The following COL22A1 variants were observed in gnomAD, a reference collection of about 807,000 sequenced individuals.
COL22A1 encodes the protein collagen type XXII alpha 1 chain.
COL22A1 carries 221 observed loss-of-function variants against 248.9 expected under a neutral mutation model. The observed-to-expected ratio is 0.89, with a 90% CI of 0.80 to 0.99. COL22A1 has a LOEUF of 0.99. Ranked by LOEUF, COL22A1 falls within the 50% of genes least tolerant of loss-of-function variation. COL22A1 has a pLI of 0.00. For synonymous variants in COL22A1, 891 were observed against 793.4 expected (o/e 1.12, Z -2.07); for missense variants, 2,240 against 2,179.0 (o/e 1.03, Z -0.56).
Position 138,877,804 on chromosome 8 carries a change from C to G in COL22A1, c.604G>C (p.Asp202His). ...CGGATCTTGTCGATGGCATTGAAGT[C>G]GGACACGTGGAAGACGTGGGCGGAC... ...PKSAHVFHVS[D>H]FNAIDKIRGK... Residue 202 changes from aspartate to histidine, a missense_variant, in exon 3 of 65, where the codon GAC (aspartate) becomes CAC (histidine). Coordinates refer to ENST00000303045, the MANE Select transcript of COL22A1 (RefSeq NM_152888.3). 6.2e-7 allele frequency: 1 copy of G among 1,610,354 alleles called. No homozygotes were observed. The highest frequency in any genetic ancestry group is 8.5e-7 in the Non-Finnish European group (1 of 1,178,184).
At chr8:138,896,077 A>C (rs546264874) in intron 1 of COL22A1, among the ~76,000 whole-genome samples, 1 of 152,212 alleles carries the variant, frequency 6.6e-6, no homozygotes, top group Non-Finnish European at 1.5e-5. Flanking sequence ...GGAAGCAAAG[A>C]TAATCTCATA....
intron 35 of COL22A1, among the ~76,000 whole-genome samples, chr8:138,692,658 G>A (rs1827188026): frequency 6.6e-6 from 1 of 152,020 alleles, no homozygotes; most frequent in Non-Finnish European, 1.5e-5. Context: ...CACGGCCTTG[G>A]AGGCTGCCCA....
At chr8:138,652,328 T>G (rs1822809666) in intron 45 of COL22A1, among the ~76,000 whole-genome samples, 1 of 152,252 alleles carries the variant, frequency 6.6e-6, no homozygotes, top group Admixed American at 6.5e-5. Context: ...AGTCTTATGA[T>G]AAATGAGACA....
At position 138,754,397 on chromosome 8, in the gene COL22A1, A is replaced by G. The variant is rs572438446; in HGVS notation, c.2031+760T>C. Among the ~76,000 whole-genome samples, 9 of 152,252 alleles carry G rather than the reference A, an allele frequency of 5.9e-5. 1 individual carries two copies. The highest frequency in any genetic ancestry group is 1.3e-4 in the Non-Finnish European group (9 of 68,046). ...ATTAAACATCCCTTAAGTTTCTTCT[A>G]GTTTTACCCCAGCAAAAACATATAA... On this transcript the variant is annotated intron_variant, in intron 21 of 64. Coordinates refer to ENST00000303045, the MANE Select transcript of COL22A1 (RefSeq NM_152888.3).
chr8:138,768,589 G>C (rs1228403041), intron 16 of COL22A1, among the ~76,000 whole-genome samples: 8 of 152,174 alleles, frequency 5.3e-5, no homozygotes, highest in African/African-American at 1.7e-4. Context: ...GTTCGAATTT[G>C]TGAGATAACA....
intron 47 of COL22A1, among the ~76,000 whole-genome samples, chr8:138,641,401 G>T (rs549214678): frequency 6.6e-6 from 1 of 152,128 alleles, no homozygotes; most frequent in Admixed American, 6.5e-5. Context: ...AACGCTTTTC[G>T]TAGGGGACAG....
chr8:138,614,462 A>G (rs1261819586), intron 55 of COL22A1, among the ~76,000 whole-genome samples: 1 of 152,252 alleles, frequency 6.6e-6, no homozygotes, highest in Non-Finnish European at 1.5e-5. Flanking sequence ...TACACAAAGT[A>G]GACTGAAAAA....
chr8:138,662,911 G>A (rs1316167529), intron 42 of COL22A1, among the ~76,000 whole-genome samples: 1 of 151,664 alleles, frequency 6.6e-6, no homozygotes, highest in Non-Finnish European at 1.5e-5. Context: ...AGCTACCGGG[G>A]AGGGCGAGGC....
At chr8:138,696,726 G>T (rs1827537737) in intron 32 of COL22A1, among the ~76,000 whole-genome samples, 1 of 152,202 alleles carries the variant, frequency 6.6e-6, no homozygotes, top group South Asian at 2.1e-4. Flanking sequence ...GATTGCGTTT[G>T]CAAAGTGTTT....
chr8:138,733,021 T>G (rs1762526702), intron 23 of COL22A1, among the ~76,000 whole-genome samples: 1 of 152,204 alleles, frequency 6.6e-6, no homozygotes, highest in Non-Finnish European at 1.5e-5. Context: ...TTGGGAGTCT[T>G]CCTCTGAGAT....
At chr8:138,727,060 T>G (rs150580652) in intron 23 of COL22A1, among the ~76,000 whole-genome samples, 16 of 152,252 alleles carry the variant, frequency 1.1e-4, no homozygotes, top group Admixed American at 3.3e-4. Context: ...AGGTTCCTGA[T>G]AGTCCTCACG....
At chr8:138,845,307 G>C (rs7001582) in intron 3 of COL22A1, among the ~76,000 whole-genome samples, 3 of 151,960 alleles carry the variant, frequency 2.0e-5, no homozygotes, top group African/African-American at 7.3e-5. Context: ...TCAGGAGTTC[G>C]AGACCAGCCT....
intron 39 of COL22A1, among the ~76,000 whole-genome samples, chr8:138,681,879 T>A (rs926477337): frequency 1.1e-4 from 17 of 152,320 alleles, no homozygotes; most frequent in African/African-American, 3.6e-4. Context: ...ACTGTGAACA[T>A]CACCCTTAGG....
chr8:138,772,802 G>A (rs1439802041), intron 16 of COL22A1, among the ~76,000 whole-genome samples: 1 of 152,188 alleles, frequency 6.6e-6, no homozygotes, highest in Non-Finnish European at 1.5e-5. Context: ...GGTGGAGGTT[G>A]CAGTGAGCCG....
At chr8:138,898,842 C>A (rs1281265317) in intron 1 of COL22A1, among the ~76,000 whole-genome samples, 1 of 152,162 alleles carries the variant, frequency 6.6e-6, no homozygotes, top group African/African-American at 2.4e-5. Context: ...AGCACAGCAA[C>A]AACATCTGAA....
chr8:138,648,704 T>C (rs1822421471), intron 46 of COL22A1, among the ~76,000 whole-genome samples: 1 of 152,194 alleles, frequency 6.6e-6, no homozygotes, highest in Non-Finnish European at 1.5e-5. Flanking sequence ...GGGATTGGTA[T>C]CTCCCCAAGT....
chr8:138,821,120 G>T lies in COL22A1; in HGVS notation c.1245+16C>A. 1.2e-6 allele frequency: 2 copies of T among 1,606,276 alleles called. No individual in the cohort carries two copies. The highest frequency in any genetic ancestry group is 1.7e-5 in the Admixed American group (1 of 59,930). On this transcript the variant is annotated intron_variant, in intron 7 of 64. Transcript: ENST00000303045. ...TGGCCTGGAACCTGGGCTGCAGAAGGCCCCCTGGTACTCACGTCAATGGGC... is the reference window on the plus strand; with the variant it reads ...TGGCCTGGAACCTGGGCTGCAGAAGTCCCCCTGGTACTCACGTCAATGGGC...
At chr8:138,645,234 C>G (rs781297341) in intron 47 of COL22A1, among the ~76,000 whole-genome samples, 1 of 152,140 alleles carries the variant, frequency 6.6e-6, no homozygotes, top group Non-Finnish European at 1.5e-5. Flanking sequence ...AGCTACTGCA[C>G]ATGTACAGCC....
chr8:138,728,547 C>T (rs982555222), intron 23 of COL22A1, among the ~76,000 whole-genome samples: 9 of 152,068 alleles, frequency 5.9e-5, no homozygotes, highest in Admixed American at 2.0e-4. Context: ...ACCAGCCCCT[C>T]GCTCTGGCCC....
Sources: allele counts gnomAD v4.1 joint callset (sites outside exome capture counted in the v4.1 genomes callset), GRCh38; gene constraint gnomAD v4.1.1; transcripts MANE v1.5; gene names NCBI Gene and HGNC (gene_info 2026-07-23, HGNC 2026-07-21).